Variants in DNAJC27 observed in about 807,000 individuals in gnomAD.
The protein encoded by DNAJC27 is DnaJ heat shock protein family (Hsp40) member C27, also known as dnaJ homolog subfamily C member 27.
In DNAJC27, 25 loss-of-function variants were observed where a neutral mutation model predicts 31.4. That is an observed-to-expected ratio of 0.80 (90% confidence interval 0.58 to 1.11). The LOEUF is 1.11. Ranked by LOEUF, DNAJC27 falls within the 50% of genes most tolerant of loss-of-function variation. DNAJC27 has a pLI of 0.00. For missense variants in DNAJC27, 356 were observed against 347.3 expected, an observed-to-expected ratio of 1.02 and a Z score of -0.20; for synonymous variants, 106 against 112.7, an observed-to-expected ratio of 0.94 and a Z score of 0.37.
At chr2:24,972,058 G>C (rs1218569199), upstream of DNAJC27, 2 of 558,126 alleles carry the variant, frequency 3.6e-6, no homozygotes, top group African/African-American at 4.0e-5. Flanking sequence ...CAGCAGGCGC[G>C]GGCGGTTGGG....
chr2:24,952,367 G>A (rs1042648741), intron 5 of DNAJC27, among the ~76,000 whole-genome samples: 1 of 152,048 alleles, frequency 6.6e-6, no homozygotes, highest in Non-Finnish European at 1.5e-5. Context: ...TTAGCACCTT[G>A]TATTTTTTTC....
chr2:24,945,150 T>G lies in DNAJC27; in HGVS notation c.*2466A>C, dbSNP rs549928113. 6.6e-6 allele frequency: 1 copy of G among 152,350 alleles called. No individual in the cohort carries two copies. The highest frequency in any genetic ancestry group is 2.1e-4 in the South Asian group (1 of 4,830). The allele number at this position is 152,350 out of a possible 1,614,324, so 9.4% of individuals were successfully genotyped here. A position where few individuals can be genotyped will look rare whatever the true frequency, so the allele number is the denominator to read the frequency against. On this transcript the variant is annotated 3_prime_UTR_variant, in exon 7 of 7. Coordinates refer to ENST00000264711, the MANE Select transcript of DNAJC27 (RefSeq NM_016544.3). ...GTTAGTGCCAAAAAAACCTTTCCAT[T>G]GCAGATCATGCTTTATTTCTTAATA...
rs1459181513 is a variant in DNAJC27, at chr2:24,945,230, T to C, written c.*2386A>G. 1 of 152,228 alleles carries C rather than the reference T, an allele frequency of 6.6e-6. No individual in the cohort carries two copies. Among genetic ancestry groups the C allele is most frequent in the Admixed American group, 6.5e-5 (1 of 15,292 alleles). 9.4% of individuals were successfully genotyped at this position (152,228 alleles called of 1,614,324 possible). A position where few individuals can be genotyped will look rare whatever the true frequency, so the allele number is the denominator to read the frequency against. Reference sequence around the variant, plus strand: ...AATTCTAGGACCCTGAAGCTTAACTTGCTTATTTTATTCCTTTTACGTAAA... The same window carrying C: ...AATTCTAGGACCCTGAAGCTTAACTCGCTTATTTTATTCCTTTTACGTAAA... On this transcript the variant is annotated 3_prime_UTR_variant, in exon 7 of 7. Coordinates refer to ENST00000264711, the MANE Select transcript of DNAJC27 (RefSeq NM_016544.3).
intron 2 of DNAJC27, among the ~76,000 whole-genome samples, chr2:24,966,955 T>C (rs1396059523): frequency 6.6e-6 from 1 of 152,256 alleles, no homozygotes; most frequent in East Asian, 1.9e-4. Flanking sequence ...GGCTTTGTGT[T>C]GACATGTTCA....
At chr2:24,948,485 G>A (rs1395867348) in intron 6 of DNAJC27, among the ~76,000 whole-genome samples, 1 of 152,168 alleles carries the variant, frequency 6.6e-6, no homozygotes, top group African/African-American at 2.4e-5. Context: ...GCCCAAGAAG[G>A]TGACACCACT....
At chr2:24,966,716 CA>C (rs1482185113) in intron 2 of DNAJC27, among the ~76,000 whole-genome samples, 2 of 152,164 alleles carry the variant, frequency 1.3e-5, no homozygotes, top group Admixed American at 1.3e-4. Flanking sequence ...CTCGGCCTCC[CA>C]ACGTGCTGGG....
intron 2 of DNAJC27, among the ~76,000 whole-genome samples, chr2:24,965,502 T>C (rs1184662783): frequency 1.3e-5 from 2 of 152,104 alleles, no homozygotes; most frequent in African/African-American, 4.8e-5. Flanking sequence ...GTGATCTGCC[T>C]GCCTTGGCCT....
chr2:24,963,560 T>A, intron 2 of DNAJC27, 86 bp from the exon 3 acceptor site: 1 of 1,112,164 alleles, frequency 9.0e-7, no homozygotes, highest in Non-Finnish European at 1.3e-6. Context: ...CAAAAGGATA[T>A]GTGTATGCAA....
At chr2:24,959,573 A>G (rs2149126610) in intron 3 of DNAJC27, among the ~76,000 whole-genome samples, 1 of 152,162 alleles carries the variant, frequency 6.6e-6, no homozygotes, top group Middle Eastern at 3.4e-3. Context: ...GTTTCTGATC[A>G]GTCCTCCACC....
At position 24,971,934 on chromosome 2, in the gene DNAJC27, C is replaced by T. The variant is rs1379616042; in HGVS notation, c.-30G>A. ...CTGGCTCTCTCGGGGCCACCCGCCT[C>T]GGTCTCTTCTTGTGCACCGCTGGCC... On this transcript the variant is annotated 5_prime_UTR_variant, in exon 1 of 7. Coordinates refer to ENST00000264711, the MANE Select transcript of DNAJC27 (RefSeq NM_016544.3). The T allele has an allele frequency of 1.9e-6, 3 of 1,541,504 alleles. No individual in the cohort carries two copies. The highest frequency in any genetic ancestry group is 2.6e-6 in the Non-Finnish European group (3 of 1,142,968).
At chr2:24,955,919 T>C (rs1292240771) in intron 5 of DNAJC27, among the ~76,000 whole-genome samples, 2 of 152,240 alleles carry the variant, frequency 1.3e-5, no homozygotes, top group Non-Finnish European at 2.9e-5. Flanking sequence ...TGAGATGAAA[T>C]GTGTAAAATT....
chr2:24,966,708 C>T lies in DNAJC27; in HGVS notation c.170+503G>A, dbSNP rs545419550. 1.2e-3 allele frequency among the ~76,000 whole-genome samples: 176 copies of T among 152,262 alleles called. 1 individual carries two copies. The highest frequency in any genetic ancestry group is 4.0e-3 in the African/African-American group (168 of 41,556). On this transcript the variant is annotated intron_variant, in intron 2 of 6. Coordinates refer to ENST00000264711, the MANE Select transcript of DNAJC27 (RefSeq NM_016544.3). ...TCCTGACCTCGTTATCCGCCCGTCTCGGCCTCCCAACGTGCTGGGATTACA... is the reference window on the plus strand; with the variant it reads ...TCCTGACCTCGTTATCCGCCCGTCTTGGCCTCCCAACGTGCTGGGATTACA...
At chr2:24,954,308 A>G (rs1297687992) in intron 5 of DNAJC27, among the ~76,000 whole-genome samples, 1 of 152,196 alleles carries the variant, frequency 6.6e-6, no homozygotes, top group Non-Finnish European at 1.5e-5. Context: ...TATCCTGGGA[A>G]CAGTAGGGTT....
chr2:24,958,207 C>A (rs887002132), intron 3 of DNAJC27, among the ~76,000 whole-genome samples: 1 of 152,144 alleles, frequency 6.6e-6, no homozygotes, highest in Admixed American at 6.5e-5. Context: ...TGCCCCACCC[C>A]GTCCCACCTC....
chr2:24,957,196 A>T (rs778051240), intron 4 of DNAJC27, 31 bp from the exon 5 acceptor site: 1 of 1,564,404 alleles, frequency 6.4e-7, no homozygotes, highest in Admixed American at 2.1e-5. Context: ...GACAGAGAGA[A>T]GATTACAATC....
chr2:24,955,776 C>T (rs534694381), intron 5 of DNAJC27, among the ~76,000 whole-genome samples: 4 of 152,300 alleles, frequency 2.6e-5, no homozygotes, highest in South Asian at 4.1e-4. Flanking sequence ...AATGGACCAG[C>T]ATCTTTAAAG....
chr2:24,967,319 T>C (rs1666212667), intron 1 of DNAJC27, 26 bp from the exon 2 acceptor site: 1 of 1,431,682 alleles, frequency 7.0e-7, no homozygotes, highest in African/African-American at 1.4e-5. Context: ...ATACAGGCAT[T>C]TAGTAAATAC....
chr2:24,968,767 T>A (rs928912966), intron 1 of DNAJC27, among the ~76,000 whole-genome samples: 1 of 152,218 alleles, frequency 6.6e-6, no homozygotes, highest in Non-Finnish European at 1.5e-5. Flanking sequence ...TTTGTGTAAA[T>A]TGAATTTCCT....
chr2:24,963,104 A>ATT, intron 3 of DNAJC27: 7 of 292,744 alleles, frequency 2.4e-5, no homozygotes, highest in East Asian at 1.3e-4. Context: ...AAATGTAATT[A>ATT]TTTTTTTTTT....
Sources: gnomAD v4.1 joint callset for allele counts (sites outside exome capture counted in the v4.1 genomes callset) on GRCh38, gnomAD v4.1.1 for gene constraint, MANE v1.5 for transcripts, NCBI Gene and HGNC (gene_info 2026-07-23, HGNC 2026-07-21) for gene names.